CEP63: variants seen among roughly 807,000 people sequenced by gnomAD.
CEP63 encodes the protein centrosomal protein 63, also known as centrosomal protein of 63 kDa.
A neutral mutation model predicts 89.1 loss-of-function variants in CEP63; 84 were observed. That is an observed-to-expected ratio of 0.94 (90% CI 0.79 to 1.13). CEP63 has a LOEUF of 1.13. CEP63 is among the 50% of genes most tolerant of loss of function. The pLI is 0.00. For missense variants in CEP63, 838 were observed against 813.3 expected, an observed-to-expected ratio of 1.03 and a Z score of -0.37; for synonymous variants, 267 against 272.5, an observed-to-expected ratio of 0.98 and a Z score of 0.20.
chr3:134,684,886 G>A, the CEP63 span, among the ~76,000 whole-genome samples: 4 of 152,310 alleles, frequency 2.6e-5, no homozygotes, highest in Non-Finnish European at 5.9e-5. Context: ...CCTGAACCCA[G>A]CATTGGCATG....
intron 4 of CEP63, 103 bp from the exon 5 acceptor site, chr3:134,532,674 GT>G (rs1950076231): frequency 3.6e-6 from 3 of 840,112 alleles, no homozygotes; most frequent in Non-Finnish European, 5.8e-6. Context: ...CATGTTCTCA[GT>G]AGTACTGGTT....
chr3:134,576,713 C>T (rs529779066), downstream of CEP63, among the ~76,000 whole-genome samples: 5 of 152,146 alleles, frequency 3.3e-5, no homozygotes, highest in South Asian at 2.1e-4. Context: ...GATGGAACTC[C>T]GTATGTAACT....
chr3:134,487,181 T>A (rs1237203247), intron 1 of CEP63, among the ~76,000 whole-genome samples: 1 of 152,234 alleles, frequency 6.6e-6, no homozygotes, highest in Non-Finnish European at 1.5e-5. Context: ...TACGAGGAAA[T>A]CATAAGGATC....
At chr3:134,619,324 C>A in the CEP63 span, 1 of 1,267,366 alleles carries the variant, frequency 7.9e-7, no homozygotes, top group South Asian at 1.2e-5. Flanking sequence ...GAAGACTCCA[C>A]CCCAACCCCC....
the CEP63 span, among the ~76,000 whole-genome samples, chr3:134,721,448 A>G: frequency 6.6e-6 from 1 of 151,948 alleles, no homozygotes; most frequent in Non-Finnish European, 1.5e-5. Flanking sequence ...TCTAATCTTG[A>G]TGCCTTTTTT....
At chr3:134,730,582 T>G in the CEP63 span, among the ~76,000 whole-genome samples, 2 of 152,212 alleles carry the variant, frequency 1.3e-5, no homozygotes, top group African/African-American at 4.8e-5. Flanking sequence ...TATTTGGATC[T>G]GATAGAAGAA....
intron 6 of CEP63, among the ~76,000 whole-genome samples, chr3:134,539,044 A>G (rs563903914): frequency 4.6e-5 from 7 of 152,294 alleles, no homozygotes; most frequent in African/African-American, 1.7e-4. Context: ...AAACTGTCTG[A>G]TTGTTTAATA....
the CEP63 span, among the ~76,000 whole-genome samples, chr3:134,736,355 C>A: frequency 6.6e-6 from 1 of 151,960 alleles, no homozygotes; most frequent in Non-Finnish European, 1.5e-5. Flanking sequence ...GTGGCTCACA[C>A]AGGAAGACCA....
intron 6 of CEP63, among the ~76,000 whole-genome samples, 172 bp downstream of exon 6, chr3:134,537,440 G>A (rs1359974866): frequency 2.0e-5 from 3 of 152,006 alleles, no homozygotes; most frequent in Non-Finnish European, 4.4e-5. Flanking sequence ...CCTTCTTCCC[G>A]CCTGCCCTCA....
chr3:134,647,743 T>G, the CEP63 span, among the ~76,000 whole-genome samples: 1 of 152,182 alleles, frequency 6.6e-6, no homozygotes, highest in Non-Finnish European at 1.5e-5. Context: ...TTAGGGAGAA[T>G]TTTTGTAGTA....
Position 134,486,211 on chromosome 3 carries a change from G to T in CEP63, c.-26+9G>T, listed in dbSNP as rs1559837072. 1.2e-5 allele frequency: 12 copies of T among 985,522 alleles called. No homozygotes were observed. Among genetic ancestry groups the T allele is most frequent in the South Asian group, 4.7e-5 (1 of 21,302 alleles). The allele number at this position is 985,522 out of a possible 1,614,324, so 61.0% of individuals were successfully genotyped here. ...CGCAGCGCCGGCCCGAGGTAACGGC[G>T]GGAAGGCTCAGGGGCGTGCTTGCGG... is the stretch of plus-strand genomic sequence containing the variant. On this transcript the variant is annotated intron_variant, in intron 1 of 14. Coordinates refer to ENST00000675561, the MANE Select transcript of CEP63 (RefSeq NM_001353108.3).
At chr3:134,621,641 A>G in the CEP63 span, among the ~76,000 whole-genome samples, 6 of 152,248 alleles carry the variant, frequency 3.9e-5, no homozygotes, top group Non-Finnish European at 5.9e-5. Context: ...GTTAATCTTC[A>G]TGACCTTGGA....
the CEP63 span, among the ~76,000 whole-genome samples, chr3:134,595,649 T>C: frequency 6.6e-6 from 1 of 152,162 alleles, no homozygotes; most frequent in Non-Finnish European, 1.5e-5. Context: ...TCTAGAGTGC[T>C]GGTTTAATTG....
intron 12 of CEP63, among the ~76,000 whole-genome samples, chr3:134,557,817 A>G (rs1956535782): frequency 6.6e-6 from 1 of 152,140 alleles, no homozygotes; most frequent in Non-Finnish European, 1.5e-5. Flanking sequence ...ACCTTCTTGC[A>G]GAAGAAACAT....
the CEP63 span, among the ~76,000 whole-genome samples, chr3:134,758,882 G>A: frequency 2.6e-5 from 4 of 152,206 alleles, no homozygotes; most frequent in African/African-American, 9.7e-5. Context: ...CATGGTAAAA[G>A]GGACTCTGCA....
At chr3:134,665,255 A>G in the CEP63 span, among the ~76,000 whole-genome samples, 1 of 152,150 alleles carries the variant, frequency 6.6e-6, no homozygotes, top group Admixed American at 6.5e-5. Flanking sequence ...CCTGGTGTCC[A>G]TGGGGGACTC....
chr3:134,573,071 T>A (rs36006513), intron 11 of CEP63, among the ~76,000 whole-genome samples: 48,254 of 152,070 alleles, frequency 0.32, 7,938 homozygotes, highest in African/African-American at 0.35. Context: ...TTGAGAAGTG[T>A]CTGTTCATCT....
the CEP63 span, among the ~76,000 whole-genome samples, chr3:134,744,108 T>C: frequency 1.3e-5 from 2 of 152,098 alleles, no homozygotes; most frequent in African/African-American, 2.4e-5. Context: ...CAATGGGAAA[T>C]AACTAGAGCC....
the CEP63 span, among the ~76,000 whole-genome samples, chr3:134,657,440 AT>A: frequency 1.3e-5 from 2 of 152,240 alleles, no homozygotes; most frequent in Non-Finnish European, 2.9e-5. Context: ...GTATTGCACC[AT>A]ATATAGTTTG....
Sources: allele counts gnomAD v4.1 joint callset (sites outside exome capture counted in the v4.1 genomes callset), GRCh38; gene constraint gnomAD v4.1.1; transcripts MANE v1.5; gene names NCBI Gene and HGNC (gene_info 2026-07-23, HGNC 2026-07-21).